Variants in FGF13 observed in about 807,000 individuals in gnomAD.
FGF13 encodes fibroblast growth factor homologous factor 2.
Under a neutral mutation model 19.5 loss-of-function variants are expected in FGF13, and 2 were observed. That is an observed-to-expected ratio of 0.10 (90% CI 0.04 to 0.32). The LOEUF (loss-of-function observed/expected upper bound fraction) is 0.32. Among genes scored for constraint, FGF13 ranks in the 10% least tolerant of loss-of-function variants. The pLI is 1.00. For synonymous variants in FGF13, 72 were observed against 76.9 expected (o/e 0.94, Z 0.33); for missense variants, 113 against 192.7 (o/e 0.59, Z 2.45).
chrX:139,196,388 G>T (rs1053192333), intron 1 of FGF13, among the ~76,000 whole-genome samples: 1 of 111,789 alleles, frequency 8.9e-6, no homozygotes, highest in African/African-American at 3.3e-5. Context: ...CAAGTGAAGT[G>T]AGATGCACAT....
chrX:138,753,659 G>A (rs2858543), intron 3 of FGF13, among the ~76,000 whole-genome samples: 116 of 112,073 alleles, frequency 1.0e-3, no homozygotes, highest in Admixed American at 2.6e-3. Context: ...GAAAGTAGAT[G>A]TTTCTTTTAT....
chrX:138,877,033 T>A (rs28369413), intron 1 of FGF13, among the ~76,000 whole-genome samples: 11,404 of 111,555 alleles, frequency 0.1, 1,437 homozygotes, highest in African/African-American at 0.35. Context: ...CAAGCACCGC[T>A]TGTTCTCACT....
intron 1 of FGF13, among the ~76,000 whole-genome samples, chrX:138,925,663 AAAT>A (rs1316389408): frequency 9.0e-6 from 1 of 110,973 alleles, no homozygotes; most frequent in Admixed American, 9.6e-5. Context: ...GTTCACTAAT[AAAT>A]TCAAAACTTT....
rs1345617654 is a variant in FGF13, at chrX:139,082,109, T to C, written c.-113+121307A>G. ...CCTCATTCCCTACCACTCTACTCCA[T>C]GCCTTCACACCGCACTCTAGCTGTG... is the stretch of plus-strand genomic sequence containing the variant. On this transcript the variant is annotated intron_variant, in intron 1 of 2. Coordinates refer to the FGF13 transcript ENST00000421460. 3.6e-5 allele frequency among the ~76,000 whole-genome samples: 4 copies of C among 111,582 alleles called. No homozygotes were observed. In the South Asian group the frequency reaches 1.1e-3, roughly 32 times the overall value.
intron 1 of FGF13, among the ~76,000 whole-genome samples, chrX:138,914,401 C>T (rs1207837164): frequency 5.4e-5 from 6 of 111,315 alleles, no homozygotes; most frequent in Non-Finnish European, 1.1e-4. Context: ...GTGGTCTCAG[C>T]CTGCTCTTTC....
intron 3 of FGF13, among the ~76,000 whole-genome samples, chrX:138,825,422 C>A (rs1303612635): frequency 8.9e-6 from 1 of 112,017 alleles, no homozygotes; most frequent in East Asian, 2.8e-4. Context: ...ACATAATAGT[C>A]GTCCATAATG....
intron 1 of FGF13, among the ~76,000 whole-genome samples, chrX:139,035,181 T>C (rs1346354243): frequency 5.4e-5 from 6 of 111,110 alleles, no homozygotes; most frequent in African/African-American, 2.0e-4. Context: ...GAAGAGTAAA[T>C]CAGAACATGT....
At chrX:138,670,651 G>C (rs2089601700) in intron 3 of FGF13, among the ~76,000 whole-genome samples, 2 of 111,543 alleles carry the variant, frequency 1.8e-5, no homozygotes, top group African/African-American at 6.5e-5. Flanking sequence ...GAGGCATACA[G>C]GTGATAGACA....
chrX:138,878,141 A>AT (rs765148449), intron 1 of FGF13, among the ~76,000 whole-genome samples: 16 of 105,644 alleles, frequency 1.5e-4, no homozygotes, highest in East Asian at 3.0e-4. Context: ...GTGGTATCTC[A>AT]TTTTTTTTTT....
chrX:138,908,318 T>TGTGCC (rs2124221263), intron 1 of FGF13, among the ~76,000 whole-genome samples: 2 of 108,292 alleles, frequency 1.8e-5, no homozygotes, highest in East Asian at 5.8e-4. Flanking sequence ...GACCTCATGA[T>TGTGCC]CCGCCCACCT....
At chrX:139,087,777 C>A (rs1021542313) in intron 1 of FGF13, among the ~76,000 whole-genome samples, 2 of 111,929 alleles carry the variant, frequency 1.8e-5, no homozygotes, top group Admixed American at 9.5e-5. Flanking sequence ...GTGTCTGTGC[C>A]CCTTACACTG....
At chrX:139,093,138 C>T (rs955198396) in intron 1 of FGF13, among the ~76,000 whole-genome samples, 1 of 112,242 alleles carries the variant, frequency 8.9e-6, no homozygotes, top group Non-Finnish European at 1.9e-5. Context: ...GCACTATTTA[C>T]TAGAACCAAT....
intron 1 of FGF13, among the ~76,000 whole-genome samples, chrX:139,068,461 C>T (rs771472789): frequency 9.9e-6 from 1 of 101,228 alleles, no homozygotes; most frequent in Non-Finnish European, 2.0e-5. Flanking sequence ...ATTGACTTGG[C>T]GATGCGGGCT....
chrX:138,701,820 G>A (rs1239878831), intron 3 of FGF13, among the ~76,000 whole-genome samples: 4 of 112,207 alleles, frequency 3.6e-5, no homozygotes, highest in Non-Finnish European at 1.9e-5. Context: ...GCAAGCAAGA[G>A]TGGTTAAAGG....
chrX:138,832,788 G>C (rs1443183939), intron 3 of FGF13, among the ~76,000 whole-genome samples: 1 of 112,175 alleles, frequency 8.9e-6, no homozygotes, highest in Admixed American at 9.4e-5. Context: ...GGTTTTTATA[G>C]TTTTGGATTT....
chrX:138,814,586 C>T (rs1361586276), intron 3 of FGF13, among the ~76,000 whole-genome samples: 1 of 111,104 alleles, frequency 9.0e-6, no homozygotes, highest in Non-Finnish European at 1.9e-5. Context: ...AAATGGCCAA[C>T]AGGTATAAGA....
chrX:139,134,173 C>A (rs781478393), intron 1 of FGF13, among the ~76,000 whole-genome samples: 37 of 111,883 alleles, frequency 3.3e-4, no homozygotes, highest in African/African-American at 1.2e-3. Context: ...TCACTTGGGT[C>A]TTCAACCATG....
rs180957626 is a variant in FGF13 at position 138,997,950 on chromosome X, C to G, written c.-112-133300G>C. Among the ~76,000 whole-genome samples the G allele has an allele frequency of 5.7e-3, 633 of 111,415 alleles. 5 individuals are homozygous for G. Among genetic ancestry groups the G allele is most frequent in the African/African-American group, 0.02 (599 of 30,653 alleles). On this transcript the variant is annotated intron_variant, in intron 1 of 2. Transcript: ENST00000421460. Reference sequence around the variant, plus strand: ...CAGCCAGAGAGAAAGGTCGGGTTACCCACAAAGGGAAGCCCATTGGACTAA... The same window carrying G: ...CAGCCAGAGAGAAAGGTCGGGTTACGCACAAAGGGAAGCCCATTGGACTAA...
chrX:138,725,780 TC>T (rs1319485876), intron 1 of FGF13, among the ~76,000 whole-genome samples: 2 of 110,435 alleles, frequency 1.8e-5, no homozygotes, highest in East Asian at 5.7e-4. Flanking sequence ...TTGAAGTTCC[TC>T]CCCCCCACAA....
Sources: gnomAD v4.1 joint callset for allele counts (sites outside exome capture counted in the v4.1 genomes callset) on GRCh38, gnomAD v4.1.1 for gene constraint, MANE v1.5 for transcripts, NCBI Gene and HGNC (gene_info 2026-07-23, HGNC 2026-07-21) for gene names.